Variants in SEMA6D observed in about 807,000 individuals in gnomAD.
SEMA6D encodes the protein semaphorin 6D.
A neutral mutation model predicts 106.6 loss-of-function variants in SEMA6D; 35 were observed. That is an observed-to-expected ratio of 0.33 (90% confidence interval 0.25 to 0.44). The LOEUF is 0.44. Among genes scored for constraint, SEMA6D ranks in the 20% least tolerant of loss-of-function variants. The probability of loss-of-function intolerance (pLI) is 1.00; values close to 1 mark genes in which losing one functional copy is unlikely to be tolerated. For missense variants in SEMA6D, 1,185 were observed against 1,345.9 expected (o/e 0.88, Z 1.87); for synonymous variants, 499 against 487.7 (o/e 1.02, Z -0.31).
chr15:47,539,068 C>G (rs1227015171), intron 3 of SEMA6D, among the ~76,000 whole-genome samples: 2 of 152,152 alleles, frequency 1.3e-5, no homozygotes, highest in Non-Finnish European at 2.9e-5. Context: ...AATTGATAAC[C>G]ACGCCTTTCC....
intron 1 of SEMA6D, among the ~76,000 whole-genome samples, chr15:47,229,575 A>G (rs919630528): frequency 3.3e-5 from 5 of 152,038 alleles, no homozygotes; most frequent in African/African-American, 1.2e-4. Flanking sequence ...TCATTTGTCC[A>G]GACTCTATAC....
At chr15:47,584,558 T>C (rs1173242239) in intron 3 of SEMA6D, among the ~76,000 whole-genome samples, 2 of 152,220 alleles carry the variant, frequency 1.3e-5, no homozygotes, top group Non-Finnish European at 2.9e-5. Context: ...TTAATACTTG[T>C]GTTTGATGAT....
chr15:47,384,119 C>T (rs1181372452), intron 1 of SEMA6D, among the ~76,000 whole-genome samples: 2 of 152,098 alleles, frequency 1.3e-5, no homozygotes, highest in African/African-American at 4.8e-5. Flanking sequence ...TTAAGTTTTC[C>T]CACAAATCAG....
chr15:47,591,111 G>A (rs896520062), intron 3 of SEMA6D, among the ~76,000 whole-genome samples: 17 of 152,286 alleles, frequency 1.1e-4, no homozygotes, highest in African/African-American at 3.9e-4. Context: ...AACAGGTGCA[G>A]GTGAGGACTT....
intron 1 of SEMA6D, among the ~76,000 whole-genome samples, chr15:47,387,153 T>C (rs2039867951): frequency 6.6e-6 from 1 of 152,174 alleles, no homozygotes; most frequent in Admixed American, 6.5e-5. Context: ...AAATCCTTTG[T>C]GAAGAGTAAC....
chr15:47,625,526 C>T (rs1437203583), intron 4 of SEMA6D, among the ~76,000 whole-genome samples: 1 of 151,772 alleles, frequency 6.6e-6, no homozygotes, highest in East Asian at 1.9e-4. Flanking sequence ...TGCTTGAGCT[C>T]AGGAGCTGGG....
intron 3 of SEMA6D, among the ~76,000 whole-genome samples, chr15:47,530,625 G>A (rs1027446694): frequency 6.6e-6 from 1 of 152,158 alleles, no homozygotes; most frequent in African/African-American, 2.4e-5. Context: ...GAGGAATAAA[G>A]GGCATTGCCA....
chr15:47,417,493 A>G (rs2041012188), intron 2 of SEMA6D, among the ~76,000 whole-genome samples: 1 of 152,008 alleles, frequency 6.6e-6, no homozygotes, highest in African/African-American at 2.4e-5. Context: ...AGTTATCAAA[A>G]GTAAAACTTT....
intron 4 of SEMA6D, among the ~76,000 whole-genome samples, chr15:47,643,114 G>A (rs1467520162): frequency 6.6e-6 from 1 of 152,104 alleles, no homozygotes; most frequent in Non-Finnish European, 1.5e-5. Flanking sequence ...GAAAGGAGGT[G>A]TAAGTTTCTA....
At chr15:47,608,363 A>G (rs1246963507) in intron 4 of SEMA6D, among the ~76,000 whole-genome samples, 1 of 152,178 alleles carries the variant, frequency 6.6e-6, no homozygotes, top group Admixed American at 6.5e-5. Flanking sequence ...GGATGGTTTT[A>G]CTTTTAGAGG....
chr15:47,524,600 C>T (rs1156784195), intron 3 of SEMA6D, among the ~76,000 whole-genome samples: 1 of 152,090 alleles, frequency 6.6e-6, no homozygotes, highest in Non-Finnish European at 1.5e-5. Context: ...TGACTTAATA[C>T]CAAGTCAGAC....
At chr15:47,197,123 T>C (rs1894413830) in intron 1 of SEMA6D, among the ~76,000 whole-genome samples, 1 of 152,212 alleles carries the variant, frequency 6.6e-6, no homozygotes, top group South Asian at 2.1e-4. Flanking sequence ...GTTTTTTAGC[T>C]TCTTCTGTGG....
chr15:47,407,356 AAG>A (rs2040611891), intron 1 of SEMA6D, among the ~76,000 whole-genome samples: 2 of 138,020 alleles, frequency 1.4e-5, no homozygotes, highest in Non-Finnish European at 3.1e-5. Context: ...CTGACAGAGC[AAG>A]ACTCTATCTC....
intron 3 of SEMA6D, among the ~76,000 whole-genome samples, chr15:47,477,255 G>A (rs922387314): frequency 1.3e-5 from 2 of 152,160 alleles, no homozygotes; most frequent in Admixed American, 6.5e-5. Flanking sequence ...TATCAGTCCC[G>A]TCCTAATAAC....
Position 47,486,937 on chromosome 15 carries a change from TGTTA to T in SEMA6D, c.-87+16393_-87+16396del, listed in dbSNP as rs376335452. ...ACTGTTTAACTTTCCCAGAACACAC[TGTTA>T]TTTTTAAATAATTATTTCTTGGGCA... On this transcript the variant is annotated intron_variant, in intron 3 of 19. Transcript: ENST00000558014. 3.5e-3 allele frequency among the ~76,000 whole-genome samples: 540 copies of T among 152,322 alleles called. 10 individuals are homozygous for T. The highest frequency in any genetic ancestry group is 0.012 in the African/African-American group (515 of 41,582).
At chr15:47,509,229 T>TTG (rs908845851) in intron 3 of SEMA6D, among the ~76,000 whole-genome samples, 13 of 151,892 alleles carry the variant, frequency 8.6e-5, no homozygotes, top group African/African-American at 2.2e-4. Context: ...ACCTGTGTGT[T>TTG]TGTGTGTGTG....
intron 4 of SEMA6D, among the ~76,000 whole-genome samples, chr15:47,702,908 T>C (rs1224653): frequency 0.89 from 134,828 of 152,064 alleles, 60,440 homozygotes; most frequent in Non-Finnish European, 0.95. Flanking sequence ...GCAGTGGAAC[T>C]GCTCTGTATA....
chr15:47,242,242 G>A (rs1401379658), intron 1 of SEMA6D, among the ~76,000 whole-genome samples: 2 of 152,030 alleles, frequency 1.3e-5, no homozygotes, highest in African/African-American at 4.8e-5. Context: ...GGTTTTTGCC[G>A]TTAAAAGTAA....
intron 3 of SEMA6D, among the ~76,000 whole-genome samples, chr15:47,550,929 T>C (rs2045666907): frequency 6.6e-6 from 1 of 152,186 alleles, no homozygotes. Context: ...GCATTATCAT[T>C]TTCAGAAGTG....
Sources: allele counts gnomAD v4.1 joint callset (sites outside exome capture counted in the v4.1 genomes callset), GRCh38; gene constraint gnomAD v4.1.1; transcripts MANE v1.5; gene names NCBI Gene and HGNC (gene_info 2026-07-23, HGNC 2026-07-21).